The following MUC5AC variants were observed in gnomAD, a reference collection of about 807,000 sequenced individuals.
The protein encoded by MUC5AC is mucin-5AC.
In MUC5AC, 158 loss-of-function variants were observed where a neutral mutation model predicts 169.7. The ratio of observed to expected loss-of-function variants is 0.93; its 90% CI spans 0.82 to 1.06. The LOEUF (loss-of-function observed/expected upper bound fraction) is 1.06. Ranked by LOEUF, MUC5AC falls within the 50% of genes least tolerant of loss-of-function variation. The probability of loss-of-function intolerance (pLI) is 0.00; values close to 1 mark genes in which losing one functional copy is unlikely to be tolerated. For synonymous variants in MUC5AC, 1,975 were observed against 1,237.0 expected, an observed-to-expected ratio of 1.60 and a Z score of -12.52; for missense variants, 4,359 against 3,089.9, an observed-to-expected ratio of 1.41 and a Z score of -9.74.
chr11:1,169,842 C>CT (rs1860447016), intron 15 of MUC5AC, among the ~76,000 whole-genome samples: 4 of 128,060 alleles, frequency 3.1e-5, no homozygotes, highest in Non-Finnish European at 6.7e-5. Context: ...ACTCACTCAC[C>CT]CACTCACCGA....
chr11:1,192,203 T>G lies in MUC5AC; in HGVS notation c.14058T>G (p.Ile4686Met), dbSNP rs61867532. The G allele has an allele frequency of 2.6e-6, 2 of 765,020 alleles. No individual in the cohort carries two copies. The highest frequency in any genetic ancestry group is 2.4e-5 in the East Asian group (1 of 41,248). 47.4% of individuals were successfully genotyped at this position (765,020 alleles called of 1,614,324 possible). Reference protein sequence around the residue: ...CRAESHPEVNIEHLGQVVQCS... With the variant: ...CRAESHPEVNMEHLGQVVQCS... ...CCGAGAGCCACCCGGAGGTGAACAT[T>G]GAACACCTGGGTCAGGTGGTGCAGT... Residue 4686 changes from isoleucine to methionine, a missense_variant, in exon 31 of 49, where the codon ATT becomes ATG. Transcript: ENST00000621226.
rs1387461108 is a variant in MUC5AC at position 1,195,145 on chromosome 11, G to A, written c.15324G>A (p.Thr5108=). 2.6e-6 allele frequency: 2 copies of A among 763,818 alleles called. No homozygotes were observed. Among genetic ancestry groups the A allele is most frequent in the Non-Finnish European group, 4.8e-6 (2 of 417,434 alleles). 47.3% of individuals were successfully genotyped at this position (763,818 alleles called of 1,614,324 possible). Residue 5108 remains threonine, a synonymous_variant, in exon 36 of 49, where the codon ACG becomes ACA. Coordinates refer to ENST00000621226, the MANE Select transcript of MUC5AC (RefSeq NM_001304359.2). ...CAGCCTGCCACCGGCCTCACCCGAC[G>A]CCCACCACGGTCGGGCCCACCACAG... ...DQPACHRPHP[T]PTTVGPTTVG...
chr11:1,188,888 C>T lies in MUC5AC; in HGVS notation c.10743C>T (p.His3581=). The T allele has an allele frequency of 3.9e-6, 3 of 763,518 alleles. No homozygotes were observed. Among genetic ancestry groups the T allele is most frequent in the Middle Eastern group, 2.3e-4 (1 of 4,432 alleles). The allele number at this position is 763,518 out of a possible 1,614,324, so 47.3% of individuals were successfully genotyped here. The part of the protein sequence containing the change: ...AKSHPEVSIE[H]LGQVVQCSRE... Reference sequence around the variant, plus strand: ...GCCACCCGGAGGTGAGCATCGAACACCTGGGCCAGGTGGTGCAGTGCAGCC... The same window carrying T: ...GCCACCCGGAGGTGAGCATCGAACATCTGGGCCAGGTGGTGCAGTGCAGCC... The change falls in exon 31 of 49, where the codon CAC becomes CAT. Residue 3581 remains histidine (H), a synonymous_variant. Coordinates refer to ENST00000621226, the MANE Select transcript of MUC5AC (RefSeq NM_001304359.2).
chr11:1,180,245 C>T, intron 27 of MUC5AC, 95 bp downstream of exon 27: 1 of 398,580 alleles, frequency 2.5e-6, no homozygotes, highest in East Asian at 3.6e-5. Flanking sequence ...GCTTCCAGCA[C>T]ATTCTGGTGC....
rs779423788 is a variant in MUC5AC at position 1,196,893 on chromosome 11, C to T, written c.15846C>T (p.His5282=). Residue 5282 remains histidine (H), a synonymous_variant, in exon 40 of 49, where the codon CAC becomes CAT. Coordinates refer to ENST00000621226, the MANE Select transcript of MUC5AC (RefSeq NM_001304359.2). ...PTGCPRCLGP[H]GEPVKVGHTV... The stretch of plus-strand genomic sequence containing the variant: ...TCCTTCCAGGGTGTCTGGGGCCCCA[C>T]GGAGAGCCGGTGAAGGTGAGTGGAA... The T allele has an allele frequency of 2.4e-5, 18 of 763,312 alleles. No homozygotes were observed. The highest frequency in any genetic ancestry group is 3.6e-5 in the Non-Finnish European group (15 of 417,250). The allele number at this position is 763,312 out of a possible 1,614,324, so 47.3% of individuals were successfully genotyped here. A position where few individuals can be genotyped will look rare whatever the true frequency, so the allele number is the denominator to read the frequency against.
In MUC5AC at chr11:1,182,572, G is replaced by C; in HGVS notation, c.4427G>C (p.Cys1476Ser). 1 of 398,700 alleles carries C rather than the reference G, an allele frequency of 2.5e-6. No individual in the cohort carries two copies. Among genetic ancestry groups the C allele is most frequent in the Non-Finnish European group, 4.4e-6 (1 of 226,168 alleles). 24.7% of individuals were successfully genotyped at this position (398,700 alleles called of 1,614,324 possible). A position where few individuals can be genotyped will look rare whatever the true frequency, so the allele number is the denominator to read the frequency against. Residue 1476 changes from cysteine to serine, a missense_variant, in exon 31 of 49, where the codon TGC (cysteine) becomes TCC (serine). Cys to Ser is a moderately radical substitution (Grantham distance 112). Transcript: ENST00000621226. ...AACTACCAGATCAGGGTCCAGTGCT[G>C]CACGCCCCTACCCTGCTCCACCTCT... ...CYNYQIRVQC[C>S]TPLPCSTSSS...
rs1165675859 is a variant in MUC5AC at position 1,185,671 on chromosome 11, C to T, written c.7526C>T (p.Thr2509Ile). Reference sequence around the variant, plus strand: ...ACCTCTTCTCCTACAACCAGCACAACCTCTGCTCCTACAACCAGCACAACC... The same window carrying T: ...ACCTCTTCTCCTACAACCAGCACAATCTCTGCTCCTACAACCAGCACAACC... The part of the protein sequence containing the change: ...STTSSPTTST[T>I]SAPTTSTTSA... The change falls in exon 31 of 49, where the codon ACC becomes ATC. Residue 2509 changes from threonine to isoleucine, a missense_variant. By Grantham distance (89) the Thr-to-Ile change is moderately conservative. Coordinates refer to ENST00000621226, the MANE Select transcript of MUC5AC (RefSeq NM_001304359.2). 2 of 738,120 alleles carry T rather than the reference C, an allele frequency of 2.7e-6. No individual in the cohort carries two copies. The highest frequency in any genetic ancestry group is 1.4e-5 in the South Asian group (1 of 71,020). The allele number at this position is 738,120 out of a possible 1,614,324, so 45.7% of individuals were successfully genotyped here.
chr11:1,175,747 T>C (rs1860661959), intron 19 of MUC5AC, among the ~76,000 whole-genome samples: 2 of 78,792 alleles, frequency 2.5e-5, no homozygotes, highest in African/African-American at 5.0e-5. Context: ...CACACCGTCA[T>C]GCACCCACAC....
chr11:1,191,945 C>T lies in MUC5AC; in HGVS notation c.13800C>T (p.Ser4600=). 4 of 765,288 alleles carry T rather than the reference C, an allele frequency of 5.2e-6. No homozygotes were observed. The highest frequency in any genetic ancestry group is 9.6e-6 in the Non-Finnish European group (4 of 417,918). 47.4% of individuals were successfully genotyped at this position (765,288 alleles called of 1,614,324 possible). ...CTCCCAGCCCCGTTCCCACCACCAG[C>T]ACAACCCCTGTTTCAAAGACCAGCA... is the stretch of plus-strand genomic sequence containing the variant. ...GTTPSPVPTT[S]TTPVSKTSTS... The change falls in exon 31 of 49, where the codon AGC becomes AGT. Residue 4600 remains serine, a synonymous_variant. Transcript: ENST00000621226.
chr11:1,163,078 C>T (rs1348395666), intron 6 of MUC5AC, 33 bp downstream of exon 6: 1 of 1,589,428 alleles, frequency 6.3e-7, no homozygotes, highest in African/African-American at 1.3e-5. Flanking sequence ...GCCCCTTCCT[C>T]AGTGTCCCCT....
Position 1,162,996 on chromosome 11 carries a change from C to A in MUC5AC, c.630C>A (p.Leu210=). 6.2e-7 allele frequency: 1 copy of A among 1,612,730 alleles called. No homozygotes were observed. The highest frequency in any genetic ancestry group is 8.5e-7 in the Non-Finnish European group (1 of 1,179,860). The change falls in exon 6 of 49, where the codon CTC becomes CTA. Residue 210 remains leucine, a synonymous_variant. Coordinates refer to ENST00000621226, the MANE Select transcript of MUC5AC (RefSeq NM_001304359.2). ...DTKYANKTCG[L]CGDFNGMPVV... ...AATACGCCAACAAGACCTGTGGGCT[C>A]TGTGGGGACTTCAACGGGATGCCCG... is the stretch of plus-strand genomic sequence containing the variant.
Position 1,176,172 on chromosome 11 carries a change from T to TC in MUC5AC, c.2424dup (p.Phe809LeufsTer2). 2.5e-6 allele frequency: 1 copy of TC among 398,650 alleles called. No individual in the cohort carries two copies. The allele number at this position is 398,650 out of a possible 1,614,324, so 24.7% of individuals were successfully genotyped here. ...CCAGTGTGTGCTGCGCCCATGGTGT[T>TC]CTTTGACTGCCGAAATGCCACGCCC... On this transcript the variant is annotated frameshift_variant, in exon 20 of 49. Coordinates refer to ENST00000621226, the MANE Select transcript of MUC5AC (RefSeq NM_001304359.2). LOFTEE classifies it high-confidence loss of function.
At chr11:1,173,654 CCTCA>C (rs1419950331) in intron 16 of MUC5AC, among the ~76,000 whole-genome samples, 1 of 150,404 alleles carries the variant, frequency 6.6e-6, no homozygotes, top group East Asian at 2.0e-4. Context: ...TCACTGATTC[CCTCA>C]TTCATTCCTT....
rs747208385 is a variant in MUC5AC at position 1,198,993 on chromosome 11, T to A, written c.16293T>A (p.Pro5431=). 1 of 764,204 alleles carries A rather than the reference T, an allele frequency of 1.3e-6. No individual in the cohort carries two copies. The highest frequency in any genetic ancestry group is 2.4e-6 in the Non-Finnish European group (1 of 417,596). 47.3% of individuals were successfully genotyped at this position (764,204 alleles called of 1,614,324 possible). A position where few individuals can be genotyped will look rare whatever the true frequency, so the allele number is the denominator to read the frequency against. Residue 5431 remains proline (P), a synonymous_variant, in exon 44 of 49, where the codon CCT becomes CCA. Transcript: ENST00000621226. ...CCCAGATCTGCAACACACACTGCCCTGTGGTGAGCGCTCCCACCCTGCCCC... is the reference window on the plus strand; with the variant it reads ...CCCAGATCTGCAACACACACTGCCCAGTGGTGAGCGCTCCCACCCTGCCCC... ...CETQICNTHC[P]VGFEYQEQSG...
At position 1,186,527 on chromosome 11, in the gene MUC5AC, C is replaced by T. The variant is rs1171975781; in HGVS notation, c.8382C>T (p.Thr2794=). The change falls in exon 31 of 49, where the codon ACC becomes ACT. Residue 2794 remains threonine, a synonymous_variant. Transcript: ENST00000621226. ...PTTSTTLSPT[T]STTSTTITST... is the part of the protein sequence containing the mutation. ...CCAGCACAACTTTGTCTCCTACAAC[C>T]AGCACAACCTCTACTACTATAACCA... The T allele has an allele frequency of 1.4e-6, 1 of 697,288 alleles. No homozygotes were observed. Among genetic ancestry groups the T allele is most frequent in the Non-Finnish European group, 2.6e-6 (1 of 381,684 alleles). 43.2% of individuals were successfully genotyped at this position (697,288 alleles called of 1,614,324 possible).
rs746150561 is a variant in MUC5AC, at chr11:1,192,174, C to G, written c.14029C>G (p.Arg4677Gly). ...RPEEITRLQC[R>G]AESHPEVNIE... Reference sequence around the variant, plus strand: ...TGAGGAGATCACCAGGCTCCAGTGCCGAGCCGAGAGCCACCCGGAGGTGAA... The same window carrying G: ...TGAGGAGATCACCAGGCTCCAGTGCGGAGCCGAGAGCCACCCGGAGGTGAA... The change falls in exon 31 of 49, where the codon CGA becomes GGA. Residue 4677 changes from arginine (R) to glycine (G), a missense_variant. Coordinates refer to ENST00000621226, the MANE Select transcript of MUC5AC (RefSeq NM_001304359.2). 2 of 764,972 alleles carry G rather than the reference C, an allele frequency of 2.6e-6. No individual in the cohort carries two copies. The highest frequency in any genetic ancestry group is 4.8e-6 in the Non-Finnish European group (2 of 417,922). The allele number at this position is 764,972 out of a possible 1,614,324, so 47.4% of individuals were successfully genotyped here.
chr11:1,164,216 C>A lies in MUC5AC; in HGVS notation c.900C>A (p.Asp300Glu). 6.2e-7 allele frequency: 1 copy of A among 1,612,670 alleles called. No individual in the cohort carries two copies. The highest frequency in any genetic ancestry group is 8.5e-7 in the Non-Finnish European group (1 of 1,179,880). The change falls in exon 8 of 49, where the codon GAC becomes GAA. Residue 300 changes from aspartate (D) to glutamate (E), a missense_variant. Transcript: ENST00000621226. The part of the protein sequence containing the change: ...ACRQDLCFCE[D>E]TDLLSCVCHT... ...GGCAAGACCTCTGCTTCTGTGAAGA[C>A]ACCGACCTGCTCAGCTGCGTCTGCC... is the stretch of plus-strand genomic sequence containing the variant.
intron 34 of MUC5AC, 27 bp downstream of exon 34, chr11:1,194,387 AGGGGGT>A: frequency 1.4e-6 from 1 of 697,158 alleles, no homozygotes; most frequent in Admixed American, 2.0e-5. Context: ...TGTGCCGCGG[AGGGGGT>A]GGGGGACGCG....
intron 16 of MUC5AC, among the ~76,000 whole-genome samples, chr11:1,173,424 CTCAT>C (rs1344902661): frequency 1.3e-5 from 2 of 151,320 alleles, no homozygotes; most frequent in Admixed American, 1.3e-4. Flanking sequence ...CCTTCACCTA[CTCAT>C]TCATTCATCC....
Sources: gnomAD v4.1 joint callset for allele counts (sites outside exome capture counted in the v4.1 genomes callset) on GRCh38, gnomAD v4.1.1 for gene constraint, MANE v1.5 for transcripts, NCBI Gene and HGNC (gene_info 2026-07-23, HGNC 2026-07-21) for gene names.